KIRREL3: variants seen among roughly 807,000 people sequenced by gnomAD.
KIRREL3 encodes the protein kirre like nephrin family adhesion molecule 3, also known as kin of IRRE-like protein 3.
Under a neutral mutation model 89.7 loss-of-function variants are expected in KIRREL3, and 36 were observed. That is an observed-to-expected ratio of 0.40 (90% CI 0.31 to 0.53). KIRREL3 has a LOEUF of 0.53. Ranked by LOEUF, KIRREL3 falls within the 20% of genes least tolerant of loss-of-function variation. The pLI is 0.49. For missense variants in KIRREL3, 864 were observed against 1,056.6 expected (o/e 0.82, Z 2.53); for synonymous variants, 445 against 441.4 (o/e 1.01, Z -0.10).
At position 126,769,114 on chromosome 11, in the gene KIRREL3, T is replaced by C. The variant is rs1458125209; in HGVS notation, c.56-206202A>G. On this transcript the variant is annotated intron_variant, in intron 1 of 16. Transcript: ENST00000525144. This position sits in a 1 kb window ranked among gnomAD's most constrained non-coding sequence, Gnocchi z 4.3. ...CGGGGCCTTTGAGCTCTAAGTCAGG[T>C]ATCTCTTCCTCTGTGAGGCTTCCCC... Among the ~76,000 whole-genome samples, 1 of 152,178 alleles carries C rather than the reference T, an allele frequency of 6.6e-6. No individual in the cohort carries two copies. The highest frequency in any genetic ancestry group is 2.4e-5 in the African/African-American group (1 of 41,442).
Position 126,715,800 on chromosome 11 carries a change from G to A in KIRREL3, c.56-152888C>T, listed in dbSNP as rs1784445986. ...AGAATGTTCAAACACCATCCACGAT[G>A]AACACGGTTGCAGAGAGGCCAGTGT... On this transcript the variant is annotated intron_variant, in intron 1 of 16. Transcript: ENST00000525144. This position sits in a 1 kb window ranked among gnomAD's most constrained non-coding sequence, Gnocchi z 4.4. Among the ~76,000 whole-genome samples, 1 of 152,204 alleles carries A rather than the reference G, an allele frequency of 6.6e-6. No homozygotes were observed. The highest frequency in any genetic ancestry group is 1.5e-5 in the Non-Finnish European group (1 of 68,028).
chr11:126,451,067 G>A (rs1042680600), intron 7 of KIRREL3, among the ~76,000 whole-genome samples: 3 of 145,230 alleles, frequency 2.1e-5, no homozygotes, highest in African/African-American at 7.4e-5. Context: ...GTGCATGCAT[G>A]TGCATGTGTG....
rs1939300902 is a variant in KIRREL3 at position 126,551,942 on chromosome 11, A to G, written c.133+10893T>C. 6.6e-6 allele frequency among the ~76,000 whole-genome samples: 1 copy of G among 152,176 alleles called. No individual in the cohort carries two copies. On this transcript the variant is annotated intron_variant, in intron 2 of 16. Transcript: ENST00000525144. This position sits in a 1 kb window ranked among gnomAD's most constrained non-coding sequence, Gnocchi z 4.9. ...ATTACAGGCGTGAGCCACTGTGCCC[A>G]GCCTGCAGGCTTTCTTTAGATTTGA...
chr11:126,531,586 C>G lies in KIRREL3; in HGVS notation c.134-4899G>C, dbSNP rs932145699. Among the ~76,000 whole-genome samples the G allele has an allele frequency of 2.6e-5, 4 of 151,842 alleles. No homozygotes were observed. The highest frequency in any genetic ancestry group is 1.9e-4 in the East Asian group (1 of 5,166). ...CAAGGCTCCCCCACCCAAGGCCCCC[C>G]CTAAGCAACCCCACCTATCATTGAA... On this transcript the variant is annotated intron_variant, in intron 2 of 16. Transcript: ENST00000525144. This position sits in a 1 kb window ranked among gnomAD's most constrained non-coding sequence, Gnocchi z 4.7.
intron 11 of KIRREL3, among the ~76,000 whole-genome samples, chr11:126,439,114 T>G (rs1012080436): frequency 1.3e-5 from 2 of 152,230 alleles, no homozygotes; most frequent in Non-Finnish European, 2.9e-5. Context: ...CTGGATCACC[T>G]GAGGTCAGGA....
chr11:126,768,635 G>C lies in KIRREL3; in HGVS notation c.56-205723C>G, dbSNP rs1470179366. Among the ~76,000 whole-genome samples the C allele has an allele frequency of 3.9e-5, 6 of 152,178 alleles. No individual in the cohort carries two copies. Among genetic ancestry groups the C allele is most frequent in the Non-Finnish European group, 5.9e-5 (4 of 68,034 alleles). On this transcript the variant is annotated intron_variant, in intron 1 of 16. Coordinates refer to ENST00000525144, the MANE Select transcript of KIRREL3 (RefSeq NM_032531.4). The surrounding 1 kb of genome is among the most constrained non-coding windows in gnomAD (Gnocchi z 4.5). Reference sequence around the variant, plus strand: ...GGGTAGTCAGGATGGACTCTTGGAGGATGTGACCTTTGGGCTAAGACCTGC... The same window carrying C: ...GGGTAGTCAGGATGGACTCTTGGAGCATGTGACCTTTGGGCTAAGACCTGC...
At position 126,640,260 on chromosome 11, in the gene KIRREL3, G is replaced by A. The variant is rs1208247852; in HGVS notation, c.56-77348C>T. Among the ~76,000 whole-genome samples the A allele has an allele frequency of 6.6e-6, 1 of 152,126 alleles. No individual in the cohort carries two copies. Among genetic ancestry groups the A allele is most frequent in the Admixed American group, 6.5e-5 (1 of 15,276 alleles). On this transcript the variant is annotated intron_variant, in intron 1 of 16. Coordinates refer to ENST00000525144, the MANE Select transcript of KIRREL3 (RefSeq NM_032531.4). This position sits in a 1 kb window ranked among gnomAD's most constrained non-coding sequence, Gnocchi z 4.9. ...TGACCCACCCTGAGGAATAGCCATG[G>A]GCAGTGGGTATGTGGGGCTCCTGGG...
At chr11:126,757,867 A>T (rs565698887) in intron 1 of KIRREL3, among the ~76,000 whole-genome samples, 73 of 152,336 alleles carry the variant, frequency 4.8e-4, no homozygotes, top group African/African-American at 1.7e-3. Context: ...GTACATTGAG[A>T]TACTAGACCA....
At chr11:126,438,890 C>T (rs1324520278) in intron 11 of KIRREL3, among the ~76,000 whole-genome samples, 2 of 152,158 alleles carry the variant, frequency 1.3e-5, no homozygotes, top group African/African-American at 4.8e-5. Context: ...TAGGGGTGAC[C>T]TCAGCTGCTT....
chr11:126,913,675 T>G (rs1288883493), intron 1 of KIRREL3, among the ~76,000 whole-genome samples: 2 of 152,240 alleles, frequency 1.3e-5, no homozygotes, highest in Non-Finnish European at 2.9e-5. Flanking sequence ...GCTTATTGCT[T>G]TAGTCAATTG....
At chr11:126,798,758 C>T (rs576789486) in intron 1 of KIRREL3, among the ~76,000 whole-genome samples, 2 of 152,244 alleles carry the variant, frequency 1.3e-5, no homozygotes, top group East Asian at 1.9e-4. Flanking sequence ...AGAAACCATA[C>T]GGAGCAGCAT....
At position 126,535,010 on chromosome 11, in the gene KIRREL3, G is replaced by T. The variant is rs1303175563; in HGVS notation, c.134-8323C>A. ...GGCTGGTGGGAGGAAGTGTGGAGGT[G>T]GCAGCAGCAGTGACAGGTGTGGCCT... is the stretch of plus-strand genomic sequence containing the variant. On this transcript the variant is annotated intron_variant, in intron 2 of 16. Transcript: ENST00000525144. This position sits in a 1 kb window ranked among gnomAD's most constrained non-coding sequence, Gnocchi z 4.5. Among the ~76,000 whole-genome samples the T allele has an allele frequency of 6.6e-6, 1 of 152,166 alleles. No homozygotes were observed. Among genetic ancestry groups the T allele is most frequent in the Non-Finnish European group, 1.5e-5 (1 of 68,030 alleles).
At chr11:126,691,594 CT>C (rs543963996) in intron 1 of KIRREL3, among the ~76,000 whole-genome samples, 2 of 151,918 alleles carry the variant, frequency 1.3e-5, no homozygotes, top group Admixed American at 6.6e-5. Flanking sequence ...GAAAATTCTT[CT>C]TTTTTTAAAA....
intron 1 of KIRREL3, among the ~76,000 whole-genome samples, chr11:126,980,664 A>C (rs954362881): frequency 1.3e-5 from 2 of 152,200 alleles, no homozygotes; most frequent in Admixed American, 1.3e-4. Context: ...GTGTCATGAC[A>C]AGAGAACTAA....
intron 4 of KIRREL3, among the ~76,000 whole-genome samples, chr11:126,481,530 A>G (rs758615833): frequency 1.2e-4 from 19 of 152,086 alleles, no homozygotes; most frequent in Non-Finnish European, 1.5e-4. Flanking sequence ...ACACCCATCC[A>G]TCCCCATATT....
rs376775724 is a variant in KIRREL3 at position 126,697,249 on chromosome 11, C to T, written c.56-134337G>A. Among the ~76,000 whole-genome samples, 1 of 152,204 alleles carries T rather than the reference C, an allele frequency of 6.6e-6. No individual in the cohort carries two copies. Among genetic ancestry groups the T allele is most frequent in the Non-Finnish European group, 1.5e-5 (1 of 68,034 alleles). ...CTTGTTTATGCGGGAGATGACAGGA[C>T]TACAAGAAGGCGGGACTTCCTCTAT... On this transcript the variant is annotated intron_variant, in intron 1 of 16. Coordinates refer to ENST00000525144, the MANE Select transcript of KIRREL3 (RefSeq NM_032531.4). The surrounding 1 kb of genome is among the most constrained non-coding windows in gnomAD (Gnocchi z 4.2).
At chr11:126,456,180 C>T (rs1053761309) in intron 7 of KIRREL3, among the ~76,000 whole-genome samples, 169 bp downstream of exon 7, 2 of 150,960 alleles carry the variant, frequency 1.3e-5, no homozygotes, top group Non-Finnish European at 2.9e-5. Context: ...AGGGTCCACA[C>T]GGCTAGCAGG....
At chr11:126,548,931 C>T (rs1426674676) in intron 2 of KIRREL3, among the ~76,000 whole-genome samples, 1 of 152,166 alleles carries the variant, frequency 6.6e-6, no homozygotes, top group African/African-American at 2.4e-5. Context: ...CTGTACCTTC[C>T]CCACCTAATG....
rs1422499985 is a variant in KIRREL3, at chr11:126,568,711, C to A, written c.56-5799G>T. On this transcript the variant is annotated intron_variant, in intron 1 of 16. Coordinates refer to ENST00000525144, the MANE Select transcript of KIRREL3 (RefSeq NM_032531.4). The surrounding 1 kb of genome is among the most constrained non-coding windows in gnomAD (Gnocchi z 4.6). ...AAACGTTGATTCTAACGGTAAGACC[C>A]TCCTCACATGATTCATATGAAAAGC... 6.6e-6 allele frequency among the ~76,000 whole-genome samples: 1 copy of A among 152,166 alleles called. No homozygotes were observed. The highest frequency in any genetic ancestry group is 1.5e-5 in the Non-Finnish European group (1 of 68,036).
Sources: gnomAD v4.1 joint callset for allele counts (sites outside exome capture counted in the v4.1 genomes callset) on GRCh38, gnomAD v4.1.1 for gene constraint, Gnocchi (gnomAD v3.1) non-coding constraint, MANE v1.5 for transcripts, NCBI Gene and HGNC (gene_info 2026-07-23, HGNC 2026-07-21) for gene names.